Variants in CTNNA3 observed in about 807,000 individuals in gnomAD.
The protein encoded by CTNNA3 is catenin alpha-3.
In CTNNA3, 76 loss-of-function variants were observed where a neutral mutation model predicts 95.7. The observed-to-expected ratio is 0.79, with a 90% CI of 0.66 to 0.96. CTNNA3 has a LOEUF of 0.96. CTNNA3 is among the 40% of genes least tolerant of loss of function. CTNNA3 has a pLI of 0.00. For missense variants in CTNNA3, 1,191 were observed against 1,089.8 expected (o/e 1.09, Z -1.31); for synonymous variants, 431 against 374.4 (o/e 1.15, Z -1.74).
At chr10:67,597,812 G>C (rs142473368) in intron 3 of CTNNA3, among the ~76,000 whole-genome samples, 71 of 152,306 alleles carry the variant, frequency 4.7e-4, no homozygotes, top group African/African-American at 1.7e-3. Context: ...GCAGTGGCAA[G>C]GTTTATAGGA....
chr10:66,831,435 T>G (rs1842717256), intron 7 of CTNNA3, among the ~76,000 whole-genome samples: 1 of 152,186 alleles, frequency 6.6e-6, no homozygotes, highest in African/African-American at 2.4e-5. Context: ...ACATTTCCTA[T>G]GCCCAATCCA....
chr10:67,550,049 A>G (rs2133225368), intron 3 of CTNNA3, among the ~76,000 whole-genome samples: 1 of 152,312 alleles, frequency 6.6e-6, no homozygotes, highest in South Asian at 2.1e-4. Context: ...CTCCATTTTG[A>G]TATATATAAA....
intron 13 of CTNNA3, among the ~76,000 whole-genome samples, chr10:66,234,703 A>G (rs2089764638): frequency 6.6e-6 from 1 of 152,190 alleles, no homozygotes; most frequent in Admixed American, 6.6e-5. Flanking sequence ...TAGTAACTCA[A>G]TTTTAAAATG....
At chr10:67,314,960 C>T (rs1324898599) in intron 5 of CTNNA3, among the ~76,000 whole-genome samples, 1 of 152,192 alleles carries the variant, frequency 6.6e-6, no homozygotes, top group Non-Finnish European at 1.5e-5. Context: ...GCATTTGACA[C>T]AGCTGGTCAC....
At chr10:66,706,298 G>A (rs192828378) in intron 9 of CTNNA3, among the ~76,000 whole-genome samples, 8 of 149,946 alleles carry the variant, frequency 5.3e-5, no homozygotes, top group South Asian at 2.1e-4. Context: ...ATTTATACTC[G>A]CTCTTAAATG....
intron 5 of CTNNA3, among the ~76,000 whole-genome samples, chr10:67,357,124 C>T (rs539591448): frequency 6.6e-6 from 1 of 152,220 alleles, no homozygotes; most frequent in African/African-American, 2.4e-5. Context: ...AGCATTCATA[C>T]ACCCACTAGT....
chr10:66,986,371 C>G (rs1225582613), intron 7 of CTNNA3, among the ~76,000 whole-genome samples: 2 of 152,072 alleles, frequency 1.3e-5, no homozygotes, highest in African/African-American at 4.8e-5. Context: ...GTGGCACATG[C>G]CTATAGTCCC....
chr10:66,257,482 C>T (rs563705360), intron 13 of CTNNA3, among the ~76,000 whole-genome samples: 49 of 152,188 alleles, frequency 3.2e-4, no homozygotes, highest in African/African-American at 1.0e-3. Context: ...TAATTTACAA[C>T]GAAGCCCTCA....
At chr10:65,948,247 C>G (rs1184894535) in intron 17 of CTNNA3, among the ~76,000 whole-genome samples, 2 of 146,042 alleles carry the variant, frequency 1.4e-5, no homozygotes, top group South Asian at 2.2e-4. Flanking sequence ...TGCCACTGCA[C>G]TCCAGCCTGG....
At chr10:66,861,553 C>A (rs879552206) in intron 7 of CTNNA3, among the ~76,000 whole-genome samples, 4 of 152,074 alleles carry the variant, frequency 2.6e-5, no homozygotes, top group Non-Finnish European at 4.4e-5. Flanking sequence ...CTAGAATAAG[C>A]AGGTTGAAAA....
intron 5 of CTNNA3, among the ~76,000 whole-genome samples, chr10:67,398,520 T>C (rs557419773): frequency 2.6e-5 from 4 of 152,302 alleles, no homozygotes; most frequent in Admixed American, 1.3e-4. Flanking sequence ...CAGATGAGAC[T>C]TTGGACTTGT....
chr10:67,284,353 A>T (rs368733800), intron 5 of CTNNA3, among the ~76,000 whole-genome samples: 35 of 152,200 alleles, frequency 2.3e-4, no homozygotes, highest in African/African-American at 8.0e-4. Flanking sequence ...GATTTAACGG[A>T]GAACAAAGAA....
intron 7 of CTNNA3, among the ~76,000 whole-genome samples, chr10:67,152,812 C>T (rs1289173815): frequency 6.6e-6 from 1 of 152,112 alleles, no homozygotes; most frequent in Non-Finnish European, 1.5e-5. Context: ...TTATAGCTGT[C>T]TTTCCAGAAG....
intron 9 of CTNNA3, among the ~76,000 whole-genome samples, chr10:66,694,113 G>C (rs1328011625): frequency 6.6e-6 from 1 of 152,074 alleles, no homozygotes; most frequent in African/African-American, 2.4e-5. Flanking sequence ...ACTAAAATCA[G>C]AGCAGAACTG....
At chr10:66,405,463 C>T (rs1589203399) in intron 11 of CTNNA3, among the ~76,000 whole-genome samples, 1 of 152,092 alleles carries the variant, frequency 6.6e-6, no homozygotes, top group Non-Finnish European at 1.5e-5. Context: ...AACAGTGCAT[C>T]TAATTTCAGT....
intron 2 of CTNNA3, among the ~76,000 whole-genome samples, chr10:67,633,236 G>C (rs561968083): frequency 7.2e-5 from 11 of 151,988 alleles, no homozygotes; most frequent in Admixed American, 1.3e-4. Flanking sequence ...ATCTCTCCCT[G>C]GGATGGAGCT....
In CTNNA3 at chr10:67,728,591, T is replaced by C. The variant is rs1410554468; in HGVS notation, c.-2+34843A>G. On this transcript the variant is annotated intron_variant, in intron 1 of 17. Transcript: ENST00000684154. ...CCAGGTGATGTCAATGCTGCTGGTC[T>C]GGGAACCCCACTGTGAGAACCACTG... Among the ~76,000 whole-genome samples, 22 of 151,930 alleles carry C rather than the reference T, an allele frequency of 1.4e-4. 1 individual carries two copies. In the South Asian group the frequency reaches 4.4e-3, roughly 30 times the overall value.
intron 9 of CTNNA3, among the ~76,000 whole-genome samples, chr10:66,641,674 T>C (rs896051309): frequency 3.9e-5 from 6 of 152,252 alleles, no homozygotes; most frequent in Admixed American, 2.0e-4. Flanking sequence ...AAAACTTTCA[T>C]TGAGAGAGAA....
At chr10:67,546,520 T>C (rs1018984527) in intron 3 of CTNNA3, among the ~76,000 whole-genome samples, 1 of 152,198 alleles carries the variant, frequency 6.6e-6, no homozygotes, top group Admixed American at 6.5e-5. Context: ...AAGTTTCATA[T>C]ACCTAAAGTG....
Sources: allele counts gnomAD v4.1 joint callset (sites outside exome capture counted in the v4.1 genomes callset), GRCh38; gene constraint gnomAD v4.1.1; transcripts MANE v1.5; gene names NCBI Gene and HGNC (gene_info 2026-07-23, HGNC 2026-07-21).